The following RSPH14 variants were observed in gnomAD, a reference collection of about 807,000 sequenced individuals.
RSPH14 encodes the protein rhabdoid tumor deletion region gene 1.
In RSPH14, 20 loss-of-function variants were observed where a neutral mutation model predicts 26.7. The observed-to-expected ratio is 0.75, with a 90% confidence interval of 0.53 to 1.09. The LOEUF is 1.09. Ranked by LOEUF, RSPH14 falls within the 50% of genes least tolerant of loss-of-function variation. The pLI, the probability that RSPH14 is intolerant of heterozygous loss-of-function variation, is 0.00. For missense variants in RSPH14, 449 were observed against 457.2 expected (o/e 0.98, Z 0.16); for synonymous variants, 177 against 189.3 (o/e 0.93, Z 0.53).
chr22:23,158,844 CT>C, the RSPH14 span: 3 of 1,535,936 alleles, frequency 2.0e-6, no homozygotes, highest in South Asian at 3.4e-5. Context: ...CCTCTGCCCC[CT>C]GTTTGGGGTG....
chr22:23,128,724 C>T (rs2070241446), intron 4 of RSPH14, among the ~76,000 whole-genome samples: 1 of 152,170 alleles, frequency 6.6e-6, no homozygotes, highest in Non-Finnish European at 1.5e-5. Flanking sequence ...GTGGCCAGAA[C>T]AAAACAGGGG....
intron 4 of RSPH14, among the ~76,000 whole-genome samples, chr22:23,120,260 A>C (rs148114087): frequency 1.3e-5 from 2 of 152,260 alleles, no homozygotes; most frequent in East Asian, 3.9e-4. Flanking sequence ...AGGGGCTCCT[A>C]GTGCATTGGG....
intron 4 of RSPH14, among the ~76,000 whole-genome samples, chr22:23,091,833 C>T (rs1378270397): frequency 2.0e-5 from 3 of 152,218 alleles, no homozygotes; most frequent in South Asian, 2.1e-4. Flanking sequence ...CTGGTGAGCC[C>T]TGCCCCTTCC....
At chr22:23,111,743 G>A (rs1448622381) in intron 4 of RSPH14, among the ~76,000 whole-genome samples, 1 of 152,192 alleles carries the variant, frequency 6.6e-6, no homozygotes, top group East Asian at 1.9e-4. Context: ...CCTTCCTCAG[G>A]GAGCCAGCAG....
At chr22:23,123,422 C>T in intron 4 of RSPH14, 1 of 1,609,510 alleles carries the variant, frequency 6.2e-7, no homozygotes, top group Non-Finnish European at 8.5e-7. Flanking sequence ...AGTACATTGG[C>T]CTTTGCTGAG....
the RSPH14 span, among the ~76,000 whole-genome samples, chr22:23,160,280 G>GT: frequency 2.6e-5 from 4 of 152,170 alleles, no homozygotes. Flanking sequence ...CCTTATCAGA[G>GT]TAACAGTGAG....
At chr22:23,125,583 C>A (rs2070163535) in intron 4 of RSPH14, among the ~76,000 whole-genome samples, 1 of 152,168 alleles carries the variant, frequency 6.6e-6, no homozygotes, top group African/African-American at 2.4e-5. Context: ...GGAGTGCATT[C>A]ACCGAGGGCC....
the RSPH14 span, among the ~76,000 whole-genome samples, chr22:23,157,352 A>C: frequency 0.043 from 6,566 of 151,708 alleles, 482 homozygotes; most frequent in African/African-American, 0.15. Flanking sequence ...CCGCATTCAC[A>C]ACATTCTCCT....
At chr22:23,180,062 G>T in the RSPH14 span, 4 of 347,722 alleles carry the variant, frequency 1.2e-5, no homozygotes, top group East Asian at 7.2e-5. Context: ...GCAGAGGGGG[G>T]AGGTTGCTTC....
the RSPH14 span, among the ~76,000 whole-genome samples, chr22:23,151,043 C>T: frequency 6.6e-6 from 1 of 152,206 alleles, no homozygotes; most frequent in South Asian, 2.1e-4. Flanking sequence ...CCTGCTTTTG[C>T]CCCTCTTCCT....
intron 6 of RSPH14, among the ~76,000 whole-genome samples, 167 bp downstream of exon 6, chr22:23,061,642 T>C (rs974816963): frequency 8.6e-5 from 13 of 150,614 alleles, no homozygotes; most frequent in Non-Finnish European, 1.8e-4. Flanking sequence ...GGCTGGGCCT[T>C]GGACCCAACC....
chr22:23,084,423 G>A (rs1289311070), intron 4 of RSPH14, among the ~76,000 whole-genome samples: 2 of 152,166 alleles, frequency 1.3e-5, no homozygotes, highest in Non-Finnish European at 2.9e-5. Context: ...AAGCTGTGAG[G>A]TTCAGCAGGT....
intron 4 of RSPH14, among the ~76,000 whole-genome samples, chr22:23,078,347 A>G (rs755932582): frequency 6.6e-6 from 1 of 152,162 alleles, no homozygotes; most frequent in Non-Finnish European, 1.5e-5. Flanking sequence ...TTCCTCTATG[A>G]TAACACCACG....
At chr22:23,084,062 G>T (rs535328872) in intron 4 of RSPH14, among the ~76,000 whole-genome samples, 1 of 152,160 alleles carries the variant, frequency 6.6e-6, no homozygotes, top group Non-Finnish European at 1.5e-5. Flanking sequence ...CTATGCAGGC[G>T]ATCTTTCCCC....
chr22:23,152,310 G>A, the RSPH14 span: 2 of 755,136 alleles, frequency 2.6e-6, no homozygotes, highest in African/African-American at 1.7e-5. Flanking sequence ...ACTGTGAAGG[G>A]GGAACACAGT....
chr22:23,129,968 A>G (rs2070272456), intron 4 of RSPH14, among the ~76,000 whole-genome samples: 1 of 150,670 alleles, frequency 6.6e-6, no homozygotes, highest in Non-Finnish European at 1.5e-5. Flanking sequence ...AAGAGAGAGG[A>G]AGAAAGAGAA....
chr22:23,103,067 G>C (rs1165171285), intron 4 of RSPH14, among the ~76,000 whole-genome samples: 1 of 152,226 alleles, frequency 6.6e-6, no homozygotes, highest in African/African-American at 2.4e-5. Context: ...CTGCAGAGGA[G>C]AGTGCTGAGA....
At chr22:23,180,093 T>C in the RSPH14 span, 1 of 320,682 alleles carries the variant, frequency 3.1e-6, no homozygotes. Flanking sequence ...CTGCTGCGAG[T>C]TCTGCCAGAG....
chr22:23,096,984 G>C (rs2069144325), intron 4 of RSPH14, among the ~76,000 whole-genome samples: 1 of 152,242 alleles, frequency 6.6e-6, no homozygotes, highest in South Asian at 2.1e-4. Flanking sequence ...AGGGTGGGGA[G>C]CCGGGTGAAG....
Sources: gnomAD v4.1 joint callset for allele counts (sites outside exome capture counted in the v4.1 genomes callset) on GRCh38, gnomAD v4.1.1 for gene constraint, MANE v1.5 for transcripts, NCBI Gene and HGNC (gene_info 2026-07-23, HGNC 2026-07-21) for gene names.